SLC26A6: variants seen among roughly 807,000 people sequenced by gnomAD.
SLC26A6 encodes the protein solute carrier family 26 member 6.
In SLC26A6, 67 loss-of-function variants were observed where a neutral mutation model predicts 87.1. The ratio of observed to expected loss-of-function variants is 0.77; its 90% CI spans 0.63 to 0.94. The LOEUF is 0.94. SLC26A6 is among the 40% of genes least tolerant of loss of function. The probability of loss-of-function intolerance (pLI) is 0.00; values close to 1 mark genes in which losing one functional copy is unlikely to be tolerated. For missense variants in SLC26A6, 902 were observed against 973.0 expected, an observed-to-expected ratio of 0.93 and a Z score of 0.97; for synonymous variants, 414 against 405.9, an observed-to-expected ratio of 1.02 and a Z score of -0.24.
In SLC26A6 at chr3:48,628,077, C is replaced by T. The variant is rs771900207; in HGVS notation, c.1801-39G>A. 36 of 1,520,828 alleles carry T rather than the reference C, an allele frequency of 2.4e-5. No homozygotes were observed. The Middle Eastern group carries it at 7.8e-4, about 33-fold the overall frequency. The allele number at this position is 1,520,828 out of a possible 1,614,324, so 94.2% of individuals were successfully genotyped here. Reference sequence around the variant, plus strand: ...GACAGGGAATGGGAAACAGCTAGCCCGGCTGCCATGACAGCCATGTCACAT... The same window carrying T: ...GACAGGGAATGGGAAACAGCTAGCCTGGCTGCCATGACAGCCATGTCACAT... On this transcript the variant is annotated intron_variant, in intron 16 of 20. Coordinates refer to ENST00000395550, the MANE Select transcript of SLC26A6 (RefSeq NM_022911.3). The surrounding 1 kb of genome is among the most constrained non-coding windows in gnomAD (Gnocchi z 4.4).
intron 4 of SLC26A6, chr3:48,632,669 C>T (rs754717340): frequency 1.2e-5 from 8 of 690,402 alleles, no homozygotes. Flanking sequence ...CAGAGGCTCT[C>T]TGTGGAGTAG....
chr3:48,632,890 C>A, intron 4 of SLC26A6, 84 bp downstream of exon 4: 2 of 1,364,624 alleles, frequency 1.5e-6, no homozygotes, highest in South Asian at 2.5e-5. Context: ...CCCAGCCGCT[C>A]CTGCCCTGCT....
At chr3:48,626,792 G>A (rs2106642256) in intron 18 of SLC26A6, 84 bp downstream of exon 18, 1 of 1,607,032 alleles carries the variant, frequency 6.2e-7, no homozygotes. Context: ...AGGGTTTGGG[G>A]AGTCAGAGGC....
chr3:48,628,128 G>A lies in SLC26A6; in HGVS notation c.1801-90C>T, dbSNP rs1433220255. 1.5e-5 allele frequency: 19 copies of A among 1,272,542 alleles called. No homozygotes were observed. Among genetic ancestry groups the A allele is most frequent in the Middle Eastern group, 2.7e-4 (1 of 3,700 alleles). The allele number at this position is 1,272,542 out of a possible 1,614,324, so 78.8% of individuals were successfully genotyped here. Reference sequence around the variant, plus strand: ...AGGCCTGGTGATGCCCCCTGGTGCTGGGCAGGTGGGTGGGCCAGGACCAGA... The same window carrying A: ...AGGCCTGGTGATGCCCCCTGGTGCTAGGCAGGTGGGTGGGCCAGGACCAGA... On this transcript the variant is annotated intron_variant, in intron 16 of 20. Transcript: ENST00000395550. The surrounding 1 kb of genome is among the most constrained non-coding windows in gnomAD (Gnocchi z 4.4).
At position 48,630,877 on chromosome 3, in the gene SLC26A6, C is replaced by T. The variant is rs181451367; in HGVS notation, c.1134+116G>A. 6.3e-4 allele frequency: 968 copies of T among 1,540,006 alleles called. 7 individuals carry two copies. Among genetic ancestry groups the T allele is most frequent in the Middle Eastern group, 5.1e-3 (29 of 5,724 alleles). The stretch of plus-strand genomic sequence containing the variant: ...ACGTCCTGCTCTCCCACCCTCAGTC[C>T]CCCACGTGGCCTCAGCACATCTGCT... On this transcript the variant is annotated intron_variant, in intron 9 of 20. Transcript: ENST00000395550.
At position 48,628,186 on chromosome 3, in the gene SLC26A6, T is replaced by A; in HGVS notation, c.1801-148A>T. ...GGACCTGCAGCAGCCAGGCTGAAGCTCCTGGAACAGCCGTGAAAGGGAAGA... is the reference window on the plus strand; with the variant it reads ...GGACCTGCAGCAGCCAGGCTGAAGCACCTGGAACAGCCGTGAAAGGGAAGA... On this transcript the variant is annotated intron_variant, in intron 16 of 20. Coordinates refer to ENST00000395550, the MANE Select transcript of SLC26A6 (RefSeq NM_022911.3). This position sits in a 1 kb window ranked among gnomAD's most constrained non-coding sequence, Gnocchi z 4.4. 1.2e-6 allele frequency: 1 copy of A among 806,730 alleles called. No individual in the cohort carries two copies. Among genetic ancestry groups the A allele is most frequent in the Non-Finnish European group, 1.9e-6 (1 of 514,674 alleles). The allele number at this position is 806,730 out of a possible 1,614,324, so 50.0% of individuals were successfully genotyped here. A position where few individuals can be genotyped will look rare whatever the true frequency, so the allele number is the denominator to read the frequency against.
Position 48,628,603 on chromosome 3 carries a change from C to T in SLC26A6, c.1692+19G>A, listed in dbSNP as rs192820032. On this transcript the variant is annotated intron_variant, in intron 15 of 20. Transcript: ENST00000395550. This position sits in a 1 kb window ranked among gnomAD's most constrained non-coding sequence, Gnocchi z 4.4. ...CTGGGAGCTGGGGCCTGACACCCAT[C>T]CTGGGGACTCCGTCTCACCCTCTGC... 680 of 1,613,988 alleles carry T rather than the reference C, an allele frequency of 4.2e-4. 6 individuals carry two copies. In the East Asian group the frequency reaches 8.4e-3, roughly 20 times the overall value.
Position 48,635,374 on chromosome 3 carries a change from G to C in SLC26A6, c.20C>G (p.Ser7Trp). The stretch of plus-strand genomic sequence containing the variant: ...CGGGAATGTGCGCTGAACTCACCCC[G>C]ACGCATCCGCCAGCCCCATGGCTCG... MGLADASGPRDTQALLS... is the reference protein window; with the variant it reads MGLADAWGPRDTQALLS... The change falls in exon 1 of 21, where the codon TCG (serine) becomes TGG (tryptophan). Residue 7 changes from serine (S) to tryptophan (W), a missense_variant. Ser to Trp is a radical substitution (Grantham distance 177, BLOSUM62 -3). Coordinates refer to ENST00000395550, the MANE Select transcript of SLC26A6 (RefSeq NM_022911.3). The C allele has an allele frequency of 6.3e-7, 1 of 1,588,484 alleles. No homozygotes were observed. The highest frequency in any genetic ancestry group is 1.1e-5 in the South Asian group (1 of 87,816).
chr3:48,630,252 A>G (rs944295087), intron 11 of SLC26A6, 95 bp from the exon 12 acceptor site: 1 of 1,438,184 alleles, frequency 7.0e-7, no homozygotes, highest in South Asian at 1.2e-5. Context: ...CCAAGCACTC[A>G]GGCAGTACCC....
In SLC26A6 at chr3:48,635,394, G is replaced by A; in HGVS notation, c.-1C>T. ...ACCCCGACGCATCCGCCAGCCCCAT[G>A]GCTCGCAAGTTGTCCGGTGCGGGCT... On this transcript the variant is annotated 5_prime_UTR_variant, in exon 1 of 21. Transcript: ENST00000395550. The A allele has an allele frequency of 6.3e-7, 1 of 1,585,344 alleles. No individual in the cohort carries two copies. Among genetic ancestry groups the A allele is most frequent in the East Asian group, 2.3e-5 (1 of 43,282 alleles).
Position 48,631,376 on chromosome 3 carries a change from G to C in SLC26A6, c.904-70C>G, listed in dbSNP as rs117314523. 1,259 of 1,441,058 alleles carry C rather than the reference G, an allele frequency of 8.7e-4. 15 individuals are homozygous for C. In the East Asian group the frequency reaches 0.023, roughly 27 times the overall value. 89.3% of individuals were successfully genotyped at this position (1,441,058 alleles called of 1,614,324 possible). A position where few individuals can be genotyped will look rare whatever the true frequency, so the allele number is the denominator to read the frequency against. ...GTCAGGGGGACACATAAACCACTGT[G>C]AGGTGAGGAGGGAGATACTGGGCAA... On this transcript the variant is annotated intron_variant, in intron 7 of 20. Transcript: ENST00000395550.
chr3:48,635,412 T>A lies in SLC26A6; in HGVS notation c.-19A>T, dbSNP rs756729723. ...GCCCCATGGCTCGCAAGTTGTCCGGTGCGGGCTGCTCCTGCTGCTCGAGCT... is the reference window on the plus strand; with the variant it reads ...GCCCCATGGCTCGCAAGTTGTCCGGAGCGGGCTGCTCCTGCTGCTCGAGCT... On this transcript the variant is annotated 5_prime_UTR_variant, in exon 1 of 21. Coordinates refer to ENST00000395550, the MANE Select transcript of SLC26A6 (RefSeq NM_022911.3). The A allele has an allele frequency of 4.4e-6, 7 of 1,578,314 alleles. No homozygotes were observed. The highest frequency in any genetic ancestry group is 4.3e-6 in the Non-Finnish European group (5 of 1,163,508).
In SLC26A6 at chr3:48,628,585, C is replaced by G; in HGVS notation, c.1692+37G>C. The G allele has an allele frequency of 1.2e-6, 2 of 1,614,026 alleles. No individual in the cohort carries two copies. The highest frequency in any genetic ancestry group is 1.7e-6 in the Non-Finnish European group (2 of 1,179,980). On this transcript the variant is annotated intron_variant, in intron 15 of 20. Coordinates refer to ENST00000395550, the MANE Select transcript of SLC26A6 (RefSeq NM_022911.3). This position sits in a 1 kb window ranked among gnomAD's most constrained non-coding sequence, Gnocchi z 4.4. ...GAAGGGTTGGTGAGCTCTCTGGGAGCTGGGGCCTGACACCCATCCTGGGGA... is the reference window on the plus strand; with the variant it reads ...GAAGGGTTGGTGAGCTCTCTGGGAGGTGGGGCCTGACACCCATCCTGGGGA...
chr3:48,625,866 TTG>T lies in SLC26A6; in HGVS notation c.*118_*119del, dbSNP rs2046605501. 75 of 1,289,356 alleles carry T rather than the reference TTG, an allele frequency of 5.8e-5. No homozygotes were observed. Among genetic ancestry groups the T allele is most frequent in the Admixed American group, 8.2e-5 (4 of 48,790 alleles). The allele number at this position is 1,289,356 out of a possible 1,614,324, so 79.9% of individuals were successfully genotyped here. On this transcript the variant is annotated 3_prime_UTR_variant, in exon 21 of 21. Transcript: ENST00000395550. The surrounding 1 kb of genome is among the most constrained non-coding windows in gnomAD (Gnocchi z 4.7). Reference sequence around the variant, plus strand: ...GAGTCCCAGGACCTCCTTCCCTGAGTTGTGTGTGTGTACATGGAGGGGACTCC... The same window carrying T: ...GAGTCCCAGGACCTCCTTCCCTGAGTTGTGTGTGTACATGGAGGGGACTCC...
At chr3:48,630,844 T>C in intron 9 of SLC26A6, 124 bp from the exon 10 acceptor site, 1 of 1,496,906 alleles carries the variant, frequency 6.7e-7, no homozygotes, top group Non-Finnish European at 9.2e-7. Context: ...GACTGGATGC[T>C]GTCCCACACG....
chr3:48,627,110 G>T, intron 17 of SLC26A6, 55 bp from the exon 18 acceptor site: 2 of 1,574,960 alleles, frequency 1.3e-6, no homozygotes. Flanking sequence ...AGGCAGGACT[G>T]GCCGCACACA....
At position 48,629,855 on chromosome 3, in the gene SLC26A6, C is replaced by T. The variant is rs1165044810; in HGVS notation, c.1529+17G>A. The T allele has an allele frequency of 6.2e-7, 1 of 1,613,920 alleles. No individual in the cohort carries two copies. The highest frequency in any genetic ancestry group is 2.2e-5 in the East Asian group (1 of 44,894). Reference sequence around the variant, plus strand: ...CTCTCACTAGCTGGAATGAGGGGACCAACATGGCGGACTCACATCTGTGTC... The same window carrying T: ...CTCTCACTAGCTGGAATGAGGGGACTAACATGGCGGACTCACATCTGTGTC... On this transcript the variant is annotated intron_variant, in intron 13 of 20. Transcript: ENST00000395550.
chr3:48,634,567 C>A (rs1331226566), intron 1 of SLC26A6, among the ~76,000 whole-genome samples: 1 of 152,160 alleles, frequency 6.6e-6, no homozygotes, highest in Non-Finnish European at 1.5e-5. Context: ...GAGGCTCCCA[C>A]GTGGAATGGG....
In SLC26A6 at chr3:48,631,755, GTGCCAACCT is replaced by G. The variant is rs1465364888; in HGVS notation, c.788_796del (p.Lys263_Gly265del). 1 of 1,613,460 alleles carries G rather than the reference GTGCCAACCT, an allele frequency of 6.2e-7. No individual in the cohort carries two copies. Among genetic ancestry groups the G allele is most frequent in the African/African-American group, 1.3e-5 (1 of 74,922 alleles). ...CCCAGCCACAGCTGCAGTGACCACG[GTGCCAACCT>G]TGCTCTGGGGCAGCTTCCAGCAGAC... is the stretch of plus-strand genomic sequence containing the variant. On this transcript the variant is annotated inframe_deletion, in exon 7 of 21. Coordinates refer to ENST00000395550, the MANE Select transcript of SLC26A6 (RefSeq NM_022911.3).
Sources: allele counts gnomAD v4.1 joint callset (sites outside exome capture counted in the v4.1 genomes callset), GRCh38; gene constraint gnomAD v4.1.1; non-coding constraint Gnocchi (gnomAD v3.1); transcripts MANE v1.5; gene names NCBI Gene and HGNC (gene_info 2026-07-23, HGNC 2026-07-21).